UNC93A: variants seen among roughly 807,000 people sequenced by gnomAD.
UNC93A encodes the protein N-acetylglucosamine transporter UNC93A.
In UNC93A, 43 loss-of-function variants were observed where a neutral mutation model predicts 47.5. That is an observed-to-expected ratio of 0.91 (90% CI 0.71 to 1.17). The LOEUF (loss-of-function observed/expected upper bound fraction) is 1.17, where lower values mean the gene tolerates loss of function less well. Ranked by LOEUF, UNC93A falls within the 50% of genes most tolerant of loss-of-function variation. The pLI is 0.00. For synonymous variants in UNC93A, 280 were observed against 258.0 expected, an observed-to-expected ratio of 1.09 and a Z score of -0.82; for missense variants, 605 against 577.6, an observed-to-expected ratio of 1.05 and a Z score of -0.49.
chr6:167,274,795 T>C (rs532291027), intron 1 of UNC93A, among the ~76,000 whole-genome samples: 1 of 152,026 alleles, frequency 6.6e-6, no homozygotes, highest in African/African-American at 2.4e-5. Flanking sequence ...GACTAGCGAG[T>C]AATGAAGTAA....
At chr6:167,291,089 C>G (rs1316099597), upstream of UNC93A, among the ~76,000 whole-genome samples, 1 of 152,162 alleles carries the variant, frequency 6.6e-6, no homozygotes. Flanking sequence ...GACAGTTTCT[C>G]TTACTGTGGA....
Position 167,315,387 on chromosome 6 carries a change from A to C in UNC93A, c.1309A>C (p.Ile437Leu), listed in dbSNP as rs1215080320. Residue 437 changes from isoleucine to leucine, a missense_variant, in exon 8 of 8, where the codon ATC becomes CTC. Physicochemically the swap from Ile to Leu is conservative, Grantham distance 5. Coordinates refer to ENST00000230256, the MANE Select transcript of UNC93A (RefSeq NM_018974.4). ...GGAGTGCGTGGAGTCCAAGAACCCGATCAGACCCCACGCTCCAGGACAGGT... is the reference window on the plus strand; with the variant it reads ...GGAGTGCGTGGAGTCCAAGAACCCGCTCAGACCCCACGCTCCAGGACAGGT... ...LVECVESKNP[I>L]RPHAPGQVNQ... 2 of 1,613,816 alleles carry C rather than the reference A, an allele frequency of 1.2e-6. No homozygotes were observed. Among genetic ancestry groups the C allele is most frequent in the African/African-American group, 2.7e-5 (2 of 74,896 alleles).
rs1778312670 is a variant in UNC93A, at chr6:167,304,021, C to A, written c.728C>A (p.Ser243Tyr). The change falls in exon 5 of 8, where the codon TCC becomes TAC. Residue 243 changes from serine (S) to tyrosine (Y), a missense_variant. Physicochemically the swap from Ser to Tyr is moderately radical, Grantham distance 144. Coordinates refer to ENST00000230256, the MANE Select transcript of UNC93A (RefSeq NM_018974.4). ...EGEKKSVPFW[S>Y]TLLSTFKLYR... ...GAGAAGAAATCAGTACCTTTCTGGT[C>A]CACTTTACTGTCGACTTTCAAGCTA... is the stretch of plus-strand genomic sequence containing the variant. The A allele has an allele frequency of 6.2e-7, 1 of 1,613,918 alleles. No homozygotes were observed. Among genetic ancestry groups the A allele is most frequent in the South Asian group, 1.1e-5 (1 of 91,050 alleles).
chr6:167,315,245 G>T lies in UNC93A; in HGVS notation c.1167G>T (p.Leu389=), dbSNP rs779402506. Reference sequence around the variant, plus strand: ...AAGCTGCCTTCGCCAATTACCGCCTGTGGGAGGCCCTGGGCTTCGTCATTG... The same window carrying T: ...AAGCTGCCTTCGCCAATTACCGCCTTTGGGAGGCCCTGGGCTTCGTCATTG... ...SKEAAFANYR[L]WEALGFVIAF... The change falls in exon 8 of 8, where the codon CTG becomes CTT. Residue 389 remains leucine, a synonymous_variant. Transcript: ENST00000230256. 1.2e-6 allele frequency: 2 copies of T among 1,613,824 alleles called. No individual in the cohort carries two copies. The highest frequency in any genetic ancestry group is 2.2e-5 in the South Asian group (2 of 91,066).
At chr6:167,303,032 T>C (rs529942814) in intron 4 of UNC93A, among the ~76,000 whole-genome samples, 30 of 152,100 alleles carry the variant, frequency 2.0e-4, no homozygotes, top group African/African-American at 7.0e-4. Context: ...GCTGTCAGAG[T>C]GAAAATCCGT....
chr6:167,285,405 A>T (rs73260912), intron 1 of UNC93A, among the ~76,000 whole-genome samples: 2,936 of 151,942 alleles, frequency 0.019, 122 homozygotes, highest in African/African-American at 0.067. Context: ...CATCATAAAC[A>T]GGTCAGGACA....
Position 167,294,612 on chromosome 6 carries a change from C to T in UNC93A, c.183C>T (p.Leu61=), listed in dbSNP as rs1457938658. The T allele has an allele frequency of 2.5e-6, 4 of 1,613,826 alleles. No homozygotes were observed. The highest frequency in any genetic ancestry group is 2.5e-6 in the Non-Finnish European group (3 of 1,179,888). ...CCTCCATGTTCCTCCCACCGCTCCT[C>T]ATCGAGAGGCTGGGCTGCAAGGGGA... ...LLSSMFLPPL[L]IERLGCKGTI... is the part of the protein sequence containing the mutation. The change falls in exon 2 of 8, where the codon CTC becomes CTT. Residue 61 remains leucine, a synonymous_variant. Coordinates refer to ENST00000230256, the MANE Select transcript of UNC93A (RefSeq NM_018974.4).
intron 3 of UNC93A, among the ~76,000 whole-genome samples, chr6:167,297,244 A>G (rs1219475992): frequency 6.6e-6 from 1 of 152,190 alleles, no homozygotes; most frequent in Non-Finnish European, 1.5e-5. Context: ...CTGGGGCTGG[A>G]GGGATTTGGA....
intron 4 of UNC93A, among the ~76,000 whole-genome samples, chr6:167,300,313 C>T (rs533352362): frequency 3.5e-4 from 53 of 152,194 alleles, no homozygotes; most frequent in Middle Eastern, 6.8e-3. Context: ...ATAGCTGGAC[C>T]CCTGGTTCAG....
upstream of UNC93A, among the ~76,000 whole-genome samples, chr6:167,269,895 G>A (rs1008132567): frequency 1.3e-5 from 2 of 152,086 alleles, no homozygotes; most frequent in South Asian, 2.1e-4. Flanking sequence ...GATTACAGGC[G>A]TGAGCCACTG....
intron 1 of UNC93A, among the ~76,000 whole-genome samples, chr6:167,282,241 G>C (rs983964663): frequency 6.6e-6 from 1 of 152,084 alleles, no homozygotes; most frequent in African/African-American, 2.4e-5. Context: ...CATTCCAGGG[G>C]GTCTAGAGGT....
At chr6:167,283,209 T>C (rs924809672) in intron 1 of UNC93A, among the ~76,000 whole-genome samples, 2 of 152,206 alleles carry the variant, frequency 1.3e-5, no homozygotes, top group Non-Finnish European at 2.9e-5. Flanking sequence ...AACAAAGTTA[T>C]TTTTGGGTAA....
rs1424447723 is a variant in UNC93A at position 167,285,977 on chromosome 6, T to TACAC, written c.-51-5461_-51-5460insCACA. Among the ~76,000 whole-genome samples, 16 of 147,060 alleles carry TACAC rather than the reference T, an allele frequency of 1.1e-4. No individual in the cohort carries two copies. In the South Asian group the frequency reaches 1.1e-3, roughly 10 times the overall value. Reference sequence around the variant, plus strand: ...CTCTCTCTCTATATATATATATATATATACACACACACACACAATGAGCCT... The same window carrying TACAC: ...CTCTCTCTCTATATATATATATATATACACATACACACACACACACAATGAGCCT... On this transcript the variant is annotated intron_variant, in intron 1 of 3. Transcript: ENST00000503433.
chr6:167,306,650 G>A (rs1778403814), intron 6 of UNC93A, among the ~76,000 whole-genome samples: 1 of 152,222 alleles, frequency 6.6e-6, no homozygotes, highest in Non-Finnish European at 1.5e-5. Flanking sequence ...CAGAGGAAGG[G>A]CACACGGTGA....
intron 4 of UNC93A, among the ~76,000 whole-genome samples, chr6:167,300,931 A>G (rs1052373964): frequency 2.0e-5 from 3 of 152,254 alleles, no homozygotes; most frequent in African/African-American, 7.2e-5. Context: ...CTGACAGCAA[A>G]TATTCCTACA....
chr6:167,281,272 CAGG>C (rs540854705), intron 1 of UNC93A, among the ~76,000 whole-genome samples: 1 of 152,056 alleles, frequency 6.6e-6, no homozygotes, highest in Non-Finnish European at 1.5e-5. Context: ...AGAGGAGCCC[CAGG>C]AGGAGGATGC....
intron 5 of UNC93A, among the ~76,000 whole-genome samples, 197 bp from the exon 6 acceptor site, chr6:167,305,718 G>A (rs1393533350): frequency 1.3e-5 from 2 of 152,146 alleles, no homozygotes; most frequent in Non-Finnish European, 2.9e-5. Context: ...CCTCCTTTTA[G>A]TTCTCCCCAA....
At chr6:167,288,452 ACACAC>A (rs1783780530), upstream of UNC93A, among the ~76,000 whole-genome samples, 5 of 69,768 alleles carry the variant, frequency 7.2e-5, no homozygotes, top group Admixed American at 4.0e-4. Flanking sequence ...TCTTCCTTAC[ACACAC>A]ACACACACAC....
At chr6:167,293,800 AC>A (rs1777961464) in intron 1 of UNC93A, among the ~76,000 whole-genome samples, 3 of 151,614 alleles carry the variant, frequency 2.0e-5, no homozygotes, top group Non-Finnish European at 4.4e-5. Flanking sequence ...ACCTCCTTTC[AC>A]CCTTTCTGGC....
Sources: gnomAD v4.1 joint callset for allele counts (sites outside exome capture counted in the v4.1 genomes callset) on GRCh38, gnomAD v4.1.1 for gene constraint, MANE v1.5 for transcripts, NCBI Gene and HGNC (gene_info 2026-07-23, HGNC 2026-07-21) for gene names.